The following TSPAN8 variants were observed in gnomAD, a reference collection of about 807,000 sequenced individuals.
The protein encoded by TSPAN8 is tetraspanin 8, also known as tetraspanin-8.
In TSPAN8, 21 loss-of-function variants were observed where a neutral mutation model predicts 32.8. The ratio of observed to expected loss-of-function variants is 0.64; its 90% confidence interval spans 0.45 to 0.92. The LOEUF is 0.92. Among genes scored for constraint, TSPAN8 ranks in the 40% least tolerant of loss-of-function variants. The pLI is 0.00. For synonymous variants in TSPAN8, 95 were observed against 94.6 expected (o/e 1.00, Z -0.03); for missense variants, 269 against 281.9 (o/e 0.95, Z 0.33).
At chr12:71,132,618 T>C (rs759732327) in intron 7 of TSPAN8, 75 bp downstream of exon 7, 11 of 1,539,634 alleles carry the variant, frequency 7.1e-6, no homozygotes, top group Non-Finnish European at 8.8e-6. Context: ...TGCATTTTAA[T>C]TTTTTGTAGG....
chr12:71,139,858 A>G lies in TSPAN8; in HGVS notation c.124-10T>C. 1 of 1,597,524 alleles carries G rather than the reference A, an allele frequency of 6.3e-7. No individual in the cohort carries two copies. Among genetic ancestry groups the G allele is most frequent in the Non-Finnish European group, 8.5e-7 (1 of 1,173,788 alleles). ...CTTCAGAACCAAAAATCTGAAGTAA[A>G]AAAGAGATTAATGGCAGAAAATTTA... On this transcript the variant is annotated splice_polypyrimidine_tract_variant and intron_variant, in intron 3 of 8. Transcript: ENST00000247829.
intron 2 of TSPAN8, among the ~76,000 whole-genome samples, chr12:71,152,635 C>T (rs1351942964): frequency 1.3e-5 from 2 of 152,134 alleles, no homozygotes; most frequent in Non-Finnish European, 2.9e-5. Flanking sequence ...GTTTATCCTG[C>T]TCTATCAACC....
chr12:71,127,416 G>A (rs1413984585), intron 8 of TSPAN8, among the ~76,000 whole-genome samples: 1 of 152,034 alleles, frequency 6.6e-6, no homozygotes, highest in Non-Finnish European at 1.5e-5. Flanking sequence ...ATAGACTGAG[G>A]AACTGAACAA....
At chr12:71,154,954 C>A (rs1387310960) in intron 2 of TSPAN8, among the ~76,000 whole-genome samples, 1 of 152,162 alleles carries the variant, frequency 6.6e-6, no homozygotes, top group Non-Finnish European at 1.5e-5. Context: ...GAACAAATTG[C>A]ACATTAATAA....
intron 2 of TSPAN8, among the ~76,000 whole-genome samples, chr12:71,155,897 A>C (rs1872411451): frequency 6.6e-6 from 1 of 151,888 alleles, no homozygotes; most frequent in East Asian, 1.9e-4. Context: ...ATGCCCGGCT[A>C]ATTTTTCATA....
At chr12:71,129,955 T>C (rs1221201300) in intron 7 of TSPAN8, among the ~76,000 whole-genome samples, 3 of 137,420 alleles carry the variant, frequency 2.2e-5, no homozygotes, top group Non-Finnish European at 1.7e-5. Flanking sequence ...TTCTTTCTTT[T>C]TTTTTTTTTT....
intron 6 of TSPAN8, among the ~76,000 whole-genome samples, chr12:71,137,605 A>C (rs111376757): frequency 0.081 from 1,200 of 14,906 alleles, 15 homozygotes; most frequent in African/African-American, 0.18. Context: ...GTCCCCCCCC[A>C]AAAAAAAGGG....
rs897682341 is a variant in TSPAN8, at chr12:71,132,712, C to T, written c.557G>A (p.Gly186Glu). 6.2e-7 allele frequency: 1 copy of T among 1,613,700 alleles called. No individual in the cohort carries two copies. The highest frequency in any genetic ancestry group is 1.7e-5 in the Admixed American group (1 of 59,970). The change falls in exon 7 of 9, where the codon GGA (glycine) becomes GAA (glutamate). Residue 186 changes from glycine (G) to glutamate (E), a missense_variant. Coordinates refer to ENST00000247829, the MANE Select transcript of TSPAN8 (RefSeq NM_004616.3). Reference sequence around the variant, plus strand: ...TCTCACCTCTTTGTAAACTTGTTTTCCATTATAGCTTTGGCATGGTCTCTG... The same window carrying T: ...TCTCACCTCTTTGTAAACTTGTTTTTCATTATAGCTTTGGCATGGTCTCTG... The part of the protein sequence containing the change: ...DKQRPCQSYN[G>E]KQVYKETCIS...
chr12:71,129,768 T>C (rs1871460976), intron 7 of TSPAN8, among the ~76,000 whole-genome samples: 1 of 152,120 alleles, frequency 6.6e-6, no homozygotes. Context: ...CTATATATTT[T>C]ACAACATAAA....
At position 71,145,497 on chromosome 12, in the gene TSPAN8, C is replaced by T. The variant is rs560912756; in HGVS notation, c.61-1284G>A. ...CCTATGCAATTATCTCATACACACA[C>T]ATAGACACACACACACCATAAAATA... On this transcript the variant is annotated intron_variant, in intron 2 of 8. Coordinates refer to ENST00000247829, the MANE Select transcript of TSPAN8 (RefSeq NM_004616.3). Among the ~76,000 whole-genome samples, 52 of 152,262 alleles carry T rather than the reference C, an allele frequency of 3.4e-4. No individual in the cohort carries two copies. In the South Asian group the frequency reaches 9.7e-3, roughly 28 times the overall value.
chr12:71,153,830 A>C (rs1390231493), intron 2 of TSPAN8, among the ~76,000 whole-genome samples: 1 of 152,144 alleles, frequency 6.6e-6, no homozygotes, highest in Non-Finnish European at 1.5e-5. Flanking sequence ...GGTTTTTATA[A>C]TTGTTGCTCT....
chr12:71,149,893 G>A (rs948611286), intron 2 of TSPAN8, among the ~76,000 whole-genome samples: 1 of 152,082 alleles, frequency 6.6e-6, no homozygotes, highest in South Asian at 2.1e-4. Flanking sequence ...CTGTGGGGTC[G>A]AGCAAAAAGA....
chr12:71,145,709 G>C (rs950391141), intron 2 of TSPAN8, among the ~76,000 whole-genome samples: 1 of 152,010 alleles, frequency 6.6e-6, no homozygotes, highest in Admixed American at 6.5e-5. Context: ...AGACCCTCTG[G>C]GATTTTCAGT....
intron 2 of TSPAN8, among the ~76,000 whole-genome samples, chr12:71,155,493 A>G (rs1418528627): frequency 6.6e-6 from 1 of 152,206 alleles, no homozygotes; most frequent in Non-Finnish European, 1.5e-5. Flanking sequence ...AGGGAGAAAA[A>G]GAGATGTTGA....
At chr12:71,139,354 G>A (rs186902582) in intron 4 of TSPAN8, 7 of 450,958 alleles carry the variant, frequency 1.6e-5, no homozygotes, top group African/African-American at 1.4e-4. Flanking sequence ...CTTTGCTTCT[G>A]GGGCCACTCC....
At chr12:71,138,258 T>C in intron 4 of TSPAN8, 28 bp from the exon 5 acceptor site, 1 of 1,603,368 alleles carries the variant, frequency 6.2e-7, no homozygotes, top group Non-Finnish European at 8.5e-7. Context: ...AAATATACAT[T>C]ATCCTCAGTG....
intron 2 of TSPAN8, among the ~76,000 whole-genome samples, chr12:71,146,419 G>C (rs1273935071): frequency 6.6e-6 from 1 of 152,084 alleles, no homozygotes; most frequent in African/African-American, 2.4e-5. Flanking sequence ...CCATCCTAGA[G>C]TCATGAATAA....
At chr12:71,149,291 C>T (rs56100830) in intron 2 of TSPAN8, among the ~76,000 whole-genome samples, 9,289 of 151,724 alleles carry the variant, frequency 0.061, 389 homozygotes, top group Middle Eastern at 0.12. Context: ...TTGCTTGAAC[C>T]CGGCAGGTGG....
chr12:71,131,498 A>T (rs1871516128), intron 7 of TSPAN8, among the ~76,000 whole-genome samples: 1 of 151,924 alleles, frequency 6.6e-6, no homozygotes, highest in Non-Finnish European at 1.5e-5. Flanking sequence ...TATTTTCAGT[A>T]GCAGTTACTA....
Sources: gnomAD v4.1 joint callset for allele counts (sites outside exome capture counted in the v4.1 genomes callset) on GRCh38, gnomAD v4.1.1 for gene constraint, MANE v1.5 for transcripts, NCBI Gene and HGNC (gene_info 2026-07-23, HGNC 2026-07-21) for gene names.